Variants in SOX30 observed in about 807,000 individuals in gnomAD.
The protein encoded by SOX30 is SRY-box transcription factor 30, also known as transcription factor SOX-30.
A neutral mutation model predicts 58.6 loss-of-function variants in SOX30; 17 were observed. The ratio of observed to expected loss-of-function variants is 0.29; its 90% CI spans 0.20 to 0.44. The LOEUF (loss-of-function observed/expected upper bound fraction) is 0.44. Among genes scored for constraint, SOX30 ranks in the 20% least tolerant of loss-of-function variants. The probability of loss-of-function intolerance (pLI) is 1.00; values close to 1 mark genes in which losing one functional copy is unlikely to be tolerated. For synonymous variants in SOX30, 421 were observed against 400.2 expected (o/e 1.05, Z -0.62); for missense variants, 951 against 965.8 (o/e 0.98, Z 0.20).
chr5:157,653,892 C>T (rs565512744), upstream of SOX30, among the ~76,000 whole-genome samples: 113 of 152,218 alleles, frequency 7.4e-4, no homozygotes, highest in Middle Eastern at 0.017. Context: ...CTGGGCTGGG[C>T]GTGGTGGCTC....
chr5:157,662,410 G>A (rs933542326), intron 2 of SOX30, among the ~76,000 whole-genome samples: 1 of 151,866 alleles, frequency 6.6e-6, no homozygotes, highest in African/African-American at 2.4e-5. Flanking sequence ...GTTTCTTAAG[G>A]TGAAAGCTTA....
intron 4 of SOX30, among the ~76,000 whole-genome samples, chr5:157,637,133 CAAAAAAAAAAA>C (rs1203322529): frequency 8.0e-5 from 5 of 62,842 alleles, no homozygotes; most frequent in Non-Finnish European, 1.3e-4. Flanking sequence ...AACTCCGCCT[CAAAAAAAAAAA>C]AAAAAAAAAA....
chr5:157,646,939 T>A (rs7727762), intron 2 of SOX30, 123 bp from the exon 3 acceptor site: 1 of 701,360 alleles, frequency 1.4e-6, no homozygotes. Flanking sequence ...AAAGTATCTT[T>A]TCCAGCTCCG....
upstream of SOX30, among the ~76,000 whole-genome samples, chr5:157,653,356 A>G (rs914496792): frequency 6.6e-6 from 1 of 150,780 alleles, no homozygotes; most frequent in Non-Finnish European, 1.5e-5. Flanking sequence ...CCCACTTTAG[A>G]CTATAAAGTC....
chr5:157,654,214 G>A (rs778348852), upstream of SOX30, among the ~76,000 whole-genome samples: 5 of 150,888 alleles, frequency 3.3e-5, no homozygotes, highest in Admixed American at 6.6e-5. Flanking sequence ...TTTTGTTCAT[G>A]TGGATTTCAT....
chr5:157,636,629 T>C (rs191427890), intron 4 of SOX30, among the ~76,000 whole-genome samples: 176 of 152,200 alleles, frequency 1.2e-3, no homozygotes, highest in Non-Finnish European at 1.9e-3. Flanking sequence ...AGTCCTGAGC[T>C]AAGGGCCCAA....
At position 157,651,301 on chromosome 5, in the gene SOX30, T is replaced by G. The variant is rs1267578962; in HGVS notation, c.778A>C (p.Ile260Leu). 1.2e-6 allele frequency: 2 copies of G among 1,614,068 alleles called. No individual in the cohort carries two copies. The highest frequency in any genetic ancestry group is 1.7e-6 in the Non-Finnish European group (2 of 1,180,030). ...GGGACCGTGTGGAGCGTCAAAGGGA[T>G]CCTAAGGTCTTGCTGGTGCGGCCCA... ...AFGPHQQDLR[I>L]PLTLHTVPPG... The change falls in exon 1 of 5, where the codon ATC becomes CTC. Residue 260 changes from isoleucine to leucine, a missense_variant. Physicochemically the swap from Ile to Leu is conservative, Grantham distance 5. Coordinates refer to ENST00000265007, the MANE Select transcript of SOX30 (RefSeq NM_178424.2).
intron 2 of SOX30, among the ~76,000 whole-genome samples, chr5:157,663,490 A>T (rs1403208460): frequency 6.6e-6 from 1 of 152,208 alleles, no homozygotes; most frequent in Non-Finnish European, 1.5e-5. Context: ...ACCCACAGCC[A>T]ATATCATACT....
upstream of SOX30, among the ~76,000 whole-genome samples, chr5:157,655,589 A>G (rs534097477): frequency 2.0e-5 from 3 of 152,218 alleles, no homozygotes; most frequent in South Asian, 6.2e-4. Context: ...TCCTCCCGTA[A>G]AGGGGAAACT....
chr5:157,629,604 G>C (rs1437151294), intron 4 of SOX30, among the ~76,000 whole-genome samples: 1 of 152,118 alleles, frequency 6.6e-6, no homozygotes, highest in Non-Finnish European at 1.5e-5. Context: ...ATGGTGTAGG[G>C]GGAAAAACAT....
At chr5:157,634,878 C>G (rs1447189235) in intron 4 of SOX30, among the ~76,000 whole-genome samples, 2 of 151,762 alleles carry the variant, frequency 1.3e-5, no homozygotes, top group South Asian at 4.2e-4. Context: ...AAACACCTGA[C>G]CTCAGGTGAT....
intron 3 of SOX30, 129 bp downstream of exon 3, chr5:157,646,508 T>G: frequency 1.4e-6 from 1 of 698,094 alleles, no homozygotes; most frequent in Non-Finnish European, 2.4e-6. Flanking sequence ...GTTCTCACTT[T>G]CCCTCTTCTT....
At chr5:157,645,500 A>AAAAATAC (rs2113844920) in intron 3 of SOX30, among the ~76,000 whole-genome samples, 1 of 151,892 alleles carries the variant, frequency 6.6e-6, no homozygotes, top group African/African-American at 2.4e-5. Flanking sequence ...CCATCTCTAA[A>AAAAATAC]AAAATACAAA....
At chr5:157,667,941 A>C in intron 1 of SOX30, 4 of 1,368,226 alleles carry the variant, frequency 2.9e-6, no homozygotes, top group Non-Finnish European at 4.0e-6. Context: ...CCCCACAACA[A>C]CACTTGTCAG....
At chr5:157,647,069 T>A (rs938041219) in intron 2 of SOX30, among the ~76,000 whole-genome samples, 5 of 151,732 alleles carry the variant, frequency 3.3e-5, no homozygotes, top group African/African-American at 1.2e-4. Flanking sequence ...AAATTTTTTT[T>A]TTTTTTTTTT....
At position 157,626,562 on chromosome 5, in the gene SOX30, T is replaced by C. The variant is rs757294331; in HGVS notation, c.2040A>G (p.Thr680=). ...CACAACTCCGAGAATTTTCACTGTG[T>C]GTGCATTCACTTGAGTAGTCTCTAA... ...YSFRDYSSEC[T]HSENSRSCEN... is the part of the protein sequence containing the mutation. The change falls in exon 5 of 5, where the codon ACA becomes ACG. Residue 680 remains threonine, a synonymous_variant. Coordinates refer to ENST00000265007, the MANE Select transcript of SOX30 (RefSeq NM_178424.2). The C allele has an allele frequency of 4.3e-6, 7 of 1,614,098 alleles. No homozygotes were observed. The East Asian group carries it at 1.1e-4, about 26-fold the overall frequency.
At chr5:157,626,759 C>T in intron 4 of SOX30, 38 bp from the exon 5 acceptor site, 1 of 1,552,672 alleles carries the variant, frequency 6.4e-7, no homozygotes, top group South Asian at 1.3e-5. Flanking sequence ...TTAGATCTTG[C>T]CCACATATTG....
chr5:157,628,821 A>T (rs886651803), intron 4 of SOX30, among the ~76,000 whole-genome samples: 2 of 151,922 alleles, frequency 1.3e-5, no homozygotes, highest in Non-Finnish European at 2.9e-5. Context: ...TTTGTATTTT[A>T]GTAGAGATGG....
chr5:157,660,603 G>A (rs904477813), intron 2 of SOX30, among the ~76,000 whole-genome samples: 3 of 151,442 alleles, frequency 2.0e-5, no homozygotes, highest in African/African-American at 7.3e-5. Context: ...TGTTACAAAT[G>A]GGGTTCTTAC....
Sources: allele counts gnomAD v4.1 joint callset (sites outside exome capture counted in the v4.1 genomes callset), GRCh38; gene constraint gnomAD v4.1.1; transcripts MANE v1.5; gene names NCBI Gene and HGNC (gene_info 2026-07-23, HGNC 2026-07-21).